RASA3: variants seen among roughly 807,000 people sequenced by gnomAD.
RASA3 encodes ras GTPase-activating protein 3.
A neutral mutation model predicts 110.0 loss-of-function variants in RASA3; 73 were observed. The observed-to-expected ratio is 0.66, with a 90% CI of 0.55 to 0.81. The LOEUF is 0.81. RASA3 is among the 30% of genes least tolerant of loss of function. The pLI is 0.00. For synonymous variants in RASA3, 500 were observed against 451.4 expected (o/e 1.11, Z -1.37); for missense variants, 976 against 1,113.2 (o/e 0.88, Z 1.75).
At chr13:114,025,842 C>T (rs916056176) in intron 7 of RASA3, among the ~76,000 whole-genome samples, 23 of 152,216 alleles carry the variant, frequency 1.5e-4, no homozygotes, top group Non-Finnish European at 2.8e-4. Context: ...CCACAGCCCG[C>T]GGGGGATGTG....
chr13:114,099,179 G>T (rs1184150020), intron 1 of RASA3, among the ~76,000 whole-genome samples: 1 of 149,914 alleles, frequency 6.7e-6, no homozygotes, highest in Non-Finnish European at 1.5e-5. Flanking sequence ...AGCAGTCGGG[G>T]CCCGGCCACC....
rs562108123 is a variant in RASA3 at position 114,011,259 on chromosome 13, G to A, written c.1513-11C>T. 401 of 1,608,810 alleles carry A rather than the reference G, an allele frequency of 2.5e-4. 5 individuals carry two copies. The South Asian group carries it at 3.1e-3, about 12-fold the overall frequency. ...GGACGTCTGGGGGTCCTGGGGAGGC[G>A]GGAGCAAGAAAGGTCTATGTCAGCA... On this transcript the variant is annotated splice_polypyrimidine_tract_variant and intron_variant, in intron 15 of 23. Coordinates refer to ENST00000334062, the MANE Select transcript of RASA3 (RefSeq NM_007368.4). This position sits in a 1 kb window ranked among gnomAD's most constrained non-coding sequence, Gnocchi z 4.8.
intron 1 of RASA3, among the ~76,000 whole-genome samples, chr13:114,116,843 AGTGTGGGTGTGCACGT>A (rs2080283388): frequency 9.6e-6 from 1 of 103,846 alleles, no homozygotes; most frequent in Non-Finnish European, 1.9e-5. Context: ...GGGGTGCATC[AGTGTGGGTGTGCACGT>A]GTGTGAGGGG....
In RASA3 at chr13:114,052,095, G is replaced by A; in HGVS notation, c.234C>T (p.Phe78=). The A allele has an allele frequency of 6.2e-7, 1 of 1,613,404 alleles. No individual in the cohort carries two copies. Among genetic ancestry groups the A allele is most frequent in the South Asian group, 1.1e-5 (1 of 91,076 alleles). The part of the protein sequence containing the change: ...EIPRSFRHLS[F]YIFDRDVFRR... Reference sequence around the variant, plus strand: ...GGAAAACGTCTCTATCGAAAATGTAGAAGGACAGGTGACGAAAGCTCCGAG... The same window carrying A: ...GGAAAACGTCTCTATCGAAAATGTAAAAGGACAGGTGACGAAAGCTCCGAG... The change falls in exon 3 of 24, where the codon TTC becomes TTT. Residue 78 remains phenylalanine (F), a synonymous_variant. Coordinates refer to ENST00000334062, the MANE Select transcript of RASA3 (RefSeq NM_007368.4).
chr13:114,122,760 G>C (rs1162601199), intron 1 of RASA3, among the ~76,000 whole-genome samples: 1 of 151,782 alleles, frequency 6.6e-6, no homozygotes, highest in African/African-American at 2.4e-5. Flanking sequence ...CCCCGAGTGA[G>C]GGACGCAGCT....
intron 5 of RASA3, among the ~76,000 whole-genome samples, chr13:114,029,110 G>A (rs1270890084): frequency 9.4e-5 from 2 of 21,382 alleles, no homozygotes; most frequent in Non-Finnish European, 1.5e-4. Flanking sequence ...CCTCTAAAAC[G>A]GCATCATCCT....
intron 8 of RASA3, 96 bp from the exon 9 acceptor site, chr13:114,021,604 G>C: frequency 3.1e-6 from 3 of 977,846 alleles, no homozygotes; most frequent in Non-Finnish European, 4.7e-6. Context: ...GAGCAGAATG[G>C]AGCCTGCAGC....
rs1222266232 is a variant in RASA3 at position 114,011,420 on chromosome 13, A to C, written c.1513-172T>G. On this transcript the variant is annotated intron_variant, in intron 15 of 23. Transcript: ENST00000334062. The surrounding 1 kb of genome is among the most constrained non-coding windows in gnomAD (Gnocchi z 4.8). The stretch of plus-strand genomic sequence containing the variant: ...TGGGACTGGAGGGGGTGGGCGTCCC[A>C]CAGTCTCAGGAGCTGCTGAGACCAT... Among the ~76,000 whole-genome samples, 1 of 152,164 alleles carries C rather than the reference A, an allele frequency of 6.6e-6. No individual in the cohort carries two copies. Among genetic ancestry groups the C allele is most frequent in the Admixed American group, 6.5e-5 (1 of 15,288 alleles).
intron 8 of RASA3, among the ~76,000 whole-genome samples, chr13:114,022,120 C>T (rs999277874): frequency 6.6e-6 from 1 of 152,206 alleles, no homozygotes; most frequent in East Asian, 1.9e-4. Flanking sequence ...GGGCCATGCA[C>T]ACCACAGCGG....
intron 23 of RASA3, among the ~76,000 whole-genome samples, chr13:113,980,119 C>T (rs1195104633): frequency 7.1e-6 from 1 of 140,940 alleles, no homozygotes; most frequent in African/African-American, 2.7e-5. Context: ...CGCATGTGTG[C>T]ACCTCCTCTG....
intron 8 of RASA3, 60 bp downstream of exon 8, chr13:114,024,219 A>C: frequency 2.1e-6 from 3 of 1,452,530 alleles, no homozygotes; most frequent in Non-Finnish European, 2.9e-6. Flanking sequence ...AAAGAACAAA[A>C]GAGCTGAGGA....
At chr13:114,045,370 C>G (rs1396148419) in intron 3 of RASA3, among the ~76,000 whole-genome samples, 2 of 152,196 alleles carry the variant, frequency 1.3e-5, no homozygotes, top group Non-Finnish European at 2.9e-5. Context: ...TCTGCTGCAT[C>G]TGTGCTGGCC....
chr13:114,077,697 T>A, intron 1 of RASA3: 1 of 420,216 alleles, frequency 2.4e-6, no homozygotes, highest in Non-Finnish European at 2.9e-6. Context: ...TCCCCCGCAC[T>A]GGCACCAAGG....
chr13:114,124,454 C>T (rs1343581280), intron 1 of RASA3, among the ~76,000 whole-genome samples: 2 of 152,252 alleles, frequency 1.3e-5, no homozygotes, highest in African/African-American at 2.4e-5. Context: ...CCAGGCCCGA[C>T]GAGGGCGTTC....
At chr13:114,024,431 GC>G in intron 7 of RASA3, 76 bp from the exon 8 acceptor site, 3 of 1,350,302 alleles carry the variant, frequency 2.2e-6, no homozygotes. Context: ...TAGGCCCCGG[GC>G]TGCCCTACCC....
At chr13:114,046,345 G>A (rs2079052911) in intron 3 of RASA3, among the ~76,000 whole-genome samples, 2 of 152,206 alleles carry the variant, frequency 1.3e-5, no homozygotes, top group Admixed American at 1.3e-4. Context: ...GGAGGCGGCA[G>A]TGGCAGCTCT....
chr13:114,029,743 T>G, intron 5 of RASA3, 68 bp downstream of exon 5: 1 of 1,432,398 alleles, frequency 7.0e-7, no homozygotes, highest in South Asian at 1.2e-5. Context: ...TGAAAACCCC[T>G]GTGTGCTCCT....
intron 1 of RASA3, among the ~76,000 whole-genome samples, chr13:114,109,798 G>A (rs1032219344): frequency 5.3e-5 from 8 of 152,110 alleles, no homozygotes; most frequent in Non-Finnish European, 1.0e-4. Flanking sequence ...CGGGGCTGGC[G>A]CAGGGCCACG....
In RASA3 at chr13:114,014,805, G is replaced by T. The variant is rs1287881952; in HGVS notation, c.1405+404C>A. Among the ~76,000 whole-genome samples, 1 of 152,094 alleles carries T rather than the reference G, an allele frequency of 6.6e-6. No individual in the cohort carries two copies. The highest frequency in any genetic ancestry group is 1.5e-5 in the Non-Finnish European group (1 of 68,006). On this transcript the variant is annotated intron_variant, in intron 14 of 23. Coordinates refer to ENST00000334062, the MANE Select transcript of RASA3 (RefSeq NM_007368.4). This position sits in a 1 kb window ranked among gnomAD's most constrained non-coding sequence, Gnocchi z 4.5. Reference sequence around the variant, plus strand: ...GCCCTGCCAGGGTCGGCCACAAAAAGAAACCACTGGGAAAACCCAGGGGTC... The same window carrying T: ...GCCCTGCCAGGGTCGGCCACAAAAATAAACCACTGGGAAAACCCAGGGGTC...
Sources: allele counts gnomAD v4.1 joint callset (sites outside exome capture counted in the v4.1 genomes callset), GRCh38; gene constraint gnomAD v4.1.1; non-coding constraint Gnocchi (gnomAD v3.1); transcripts MANE v1.5; gene names NCBI Gene and HGNC (gene_info 2026-07-23, HGNC 2026-07-21).